Variants in PPP2R5A observed in about 807,000 individuals in gnomAD.
PPP2R5A encodes protein phosphatase 2 regulatory subunit B'alpha.
Under a neutral mutation model 64.2 loss-of-function variants are expected in PPP2R5A, and 25 were observed. That is an observed-to-expected ratio of 0.39 (90% CI 0.28 to 0.54). The LOEUF is 0.54. PPP2R5A is among the 20% of genes least tolerant of loss of function. PPP2R5A has a pLI of 0.67. For missense variants in PPP2R5A, 425 were observed against 576.3 expected (o/e 0.74, Z 2.69); for synonymous variants, 198 against 201.2 (o/e 0.98, Z 0.13).
At chr1:212,297,143 A>C (rs1658712350) in intron 1 of PPP2R5A, among the ~76,000 whole-genome samples, 2 of 89,742 alleles carry the variant, frequency 2.2e-5, no homozygotes, top group Non-Finnish European at 4.2e-5. Context: ...TTTTTTGGAG[A>C]CGGAGTCTCA....
intron 1 of PPP2R5A, among the ~76,000 whole-genome samples, chr1:212,302,456 G>A (rs1266536425): frequency 1.3e-5 from 2 of 152,132 alleles, no homozygotes; most frequent in African/African-American, 2.4e-5. Flanking sequence ...ATACACATTG[G>A]TGGTGGAATG....
At chr1:212,304,438 A>G (rs1658858074) in intron 1 of PPP2R5A, among the ~76,000 whole-genome samples, 1 of 152,078 alleles carries the variant, frequency 6.6e-6, no homozygotes, top group Non-Finnish European at 1.5e-5. Context: ...AATCCCAGCT[A>G]CTTGGGAGGC....
chr1:212,357,135 TTCTC>T lies in PPP2R5A; in HGVS notation c.1099-20_1099-17del. ...TTCTTTCCTATTTTAGTTTTGACAT[TTCTC>T]TAAATGTCTTTTTTTAGGTTGCAGA... On this transcript the variant is annotated intron_variant, in intron 10 of 12. Coordinates refer to ENST00000261461, the MANE Select transcript of PPP2R5A (RefSeq NM_006243.4). 4 of 1,580,154 alleles carry T rather than the reference TTCTC, an allele frequency of 2.5e-6. No homozygotes were observed. Among genetic ancestry groups the T allele is most frequent in the Non-Finnish European group, 3.4e-6 (4 of 1,166,140 alleles).
intron 1 of PPP2R5A, among the ~76,000 whole-genome samples, chr1:212,301,279 TG>T (rs1293016959): frequency 6.6e-6 from 1 of 152,214 alleles, no homozygotes; most frequent in Non-Finnish European, 1.5e-5. Context: ...CCCAAAGTGC[TG>T]GGATTACAGG....
At chr1:212,296,130 G>A (rs2102411857) in intron 1 of PPP2R5A, among the ~76,000 whole-genome samples, 1 of 152,086 alleles carries the variant, frequency 6.6e-6, no homozygotes, top group African/African-American at 2.4e-5. Context: ...AGATGGAAAG[G>A]CAGAGGTGTA....
chr1:212,331,529 C>G (rs1659504978), intron 2 of PPP2R5A: 1 of 152,140 alleles, frequency 6.6e-6, no homozygotes, highest in East Asian at 1.9e-4. Context: ...TTGGCTTAAA[C>G]TCCTACAGAC....
intron 3 of PPP2R5A, among the ~76,000 whole-genome samples, chr1:212,335,331 C>T (rs1475438219): frequency 1.3e-5 from 2 of 151,828 alleles, no homozygotes; most frequent in African/African-American, 4.8e-5. Flanking sequence ...CAAAATTAGC[C>T]AGGCATGGTG....
chr1:212,291,381 C>T (rs898314885), intron 1 of PPP2R5A, among the ~76,000 whole-genome samples: 2 of 152,142 alleles, frequency 1.3e-5, no homozygotes, highest in African/African-American at 4.8e-5. Flanking sequence ...TGCACCCGGC[C>T]TATACCTGGA....
At chr1:212,288,086 A>G (rs1249529659) in intron 1 of PPP2R5A, among the ~76,000 whole-genome samples, 1 of 152,064 alleles carries the variant, frequency 6.6e-6, no homozygotes, top group African/African-American at 2.4e-5. Flanking sequence ...GCGCGATCTC[A>G]GCTCACTGCA....
intron 6 of PPP2R5A, among the ~76,000 whole-genome samples, chr1:212,347,789 A>T (rs1036418878): frequency 6.6e-6 from 1 of 151,410 alleles, no homozygotes; most frequent in East Asian, 1.9e-4. Context: ...CAGGCAATCC[A>T]CCCCCTTCGG....
chr1:212,320,639 C>G (rs1659258776), intron 1 of PPP2R5A, among the ~76,000 whole-genome samples: 2 of 143,676 alleles, frequency 1.4e-5, no homozygotes, highest in South Asian at 4.3e-4. Context: ...CTCCCTGCCT[C>G]CCTCCCCGCC....
At chr1:212,333,451 C>A in intron 2 of PPP2R5A, 46 bp from the exon 3 acceptor site, 1 of 1,237,942 alleles carries the variant, frequency 8.1e-7, no homozygotes, top group South Asian at 1.7e-5. Context: ...TTGTCCAATT[C>A]AATTACACAT....
intron 1 of PPP2R5A, among the ~76,000 whole-genome samples, chr1:212,288,103 G>A (rs530556092): frequency 6.6e-5 from 10 of 152,200 alleles, no homozygotes; most frequent in African/African-American, 2.4e-4. Flanking sequence ...TGCAACCTCC[G>A]CCTCCCGGGT....
intron 8 of PPP2R5A, among the ~76,000 whole-genome samples, chr1:212,355,016 T>G (rs750662096): frequency 3.3e-5 from 5 of 152,312 alleles, no homozygotes; most frequent in Non-Finnish European, 7.4e-5. Flanking sequence ...GACACATTTC[T>G]TAGAACGTAT....
At chr1:212,321,131 T>C (rs1380421575) in intron 1 of PPP2R5A, among the ~76,000 whole-genome samples, 1 of 128,148 alleles carries the variant, frequency 7.8e-6, no homozygotes, top group Non-Finnish European at 1.7e-5. Context: ...CTCTTCCCAG[T>C]AGGGGCGGCC....
At chr1:212,303,619 TGAG>T (rs1658840137) in intron 1 of PPP2R5A, among the ~76,000 whole-genome samples, 1 of 152,212 alleles carries the variant, frequency 6.6e-6, no homozygotes, top group Non-Finnish European at 1.5e-5. Context: ...TTCCCAGATA[TGAG>T]GCTATGAAGA....
chr1:212,329,293 G>A lies in PPP2R5A; in HGVS notation c.340G>A (p.Val114Ile). Residue 114 changes from valine (V) to isoleucine (I), a missense_variant, in exon 2 of 13, where the codon GTA becomes ATA. By Grantham distance (29) the Val-to-Ile change is conservative. Transcript: ENST00000261461. ...LVEYVSTNRGVIVESAYSDIV... is the reference protein window; with the variant it reads ...LVEYVSTNRGIIVESAYSDIV... The stretch of plus-strand genomic sequence containing the variant: ...TGAGTATGTTTCAACTAATCGTGGT[G>A]TAATTGTTGAATCAGCGTATTCTGA... 4 of 1,607,390 alleles carry A rather than the reference G, an allele frequency of 2.5e-6. No homozygotes were observed. The highest frequency in any genetic ancestry group is 1.7e-4 in the Middle Eastern group (1 of 5,996).
intron 8 of PPP2R5A, among the ~76,000 whole-genome samples, chr1:212,354,310 G>C (rs921136273): frequency 6.6e-6 from 1 of 152,066 alleles, no homozygotes; most frequent in Admixed American, 6.5e-5. Context: ...TTGAGCCTAG[G>C]GGGTTGCAGT....
chr1:212,291,325 G>T (rs1658598815), intron 1 of PPP2R5A, among the ~76,000 whole-genome samples: 1 of 152,064 alleles, frequency 6.6e-6, no homozygotes, highest in Non-Finnish European at 1.5e-5. Flanking sequence ...CAGGTGTTCT[G>T]CCTGCCTTGG....
Sources: gnomAD v4.1 joint callset for allele counts (sites outside exome capture counted in the v4.1 genomes callset) on GRCh38, gnomAD v4.1.1 for gene constraint, MANE v1.5 for transcripts, NCBI Gene and HGNC (gene_info 2026-07-23, HGNC 2026-07-21) for gene names.